The following COL5A2 variants were observed in gnomAD, a reference collection of about 807,000 sequenced individuals.
The protein encoded by COL5A2 is collagen alpha-2(V) chain.
COL5A2 carries 23 observed loss-of-function variants against 208.2 expected under a neutral mutation model. That is an observed-to-expected ratio of 0.11 (90% CI 0.08 to 0.16). COL5A2 has a LOEUF of 0.16. Among genes scored for constraint, COL5A2 ranks in the 10% least tolerant of loss-of-function variants. COL5A2 has a pLI of 1.00. For missense variants in COL5A2, 1,590 were observed against 1,956.4 expected (o/e 0.81, Z 3.53); for synonymous variants, 625 against 628.5 (o/e 0.99, Z 0.08).
rs116137460 is a variant in COL5A2, at chr2:189,185,320, G to A, written c.-42+39828C>T. 9.0e-3 allele frequency among the ~76,000 whole-genome samples: 1,363 copies of A among 152,276 alleles called. 22 individuals carry two copies. The highest frequency in any genetic ancestry group is 0.03 in the African/African-American group (1,259 of 41,556). On this transcript the variant is annotated intron_variant, in intron 1 of 10. Coordinates refer to the COL5A2 transcript ENST00000649966. ...TTACAGGCGTGAGCCCAGTGTGCCCGACCCTAATATGCTATTTTTTAAAAG... is the reference window on the plus strand; with the variant it reads ...TTACAGGCGTGAGCCCAGTGTGCCCAACCCTAATATGCTATTTTTTAAAAG...
chr2:189,382,581 T>C, the COL5A2 span, among the ~76,000 whole-genome samples: 1 of 152,210 alleles, frequency 6.6e-6, no homozygotes, highest in Non-Finnish European at 1.5e-5. Context: ...ATAATTATCT[T>C]CTATTCAGCT....
chr2:189,215,403 A>G (rs1689266981), intron 1 of COL5A2, among the ~76,000 whole-genome samples: 1 of 152,216 alleles, frequency 6.6e-6, no homozygotes, highest in African/African-American at 2.4e-5. Flanking sequence ...AGAGTAATAT[A>G]TGCATCAGAT....
chr2:189,163,560 G>A (rs190439212), intron 1 of COL5A2, among the ~76,000 whole-genome samples: 37 of 152,308 alleles, frequency 2.4e-4, no homozygotes, highest in Non-Finnish European at 4.7e-4. Flanking sequence ...ATTGGGAGCT[G>A]TGCTCCTTAA....
the COL5A2 span, among the ~76,000 whole-genome samples, chr2:189,397,008 AAG>A: frequency 7.3e-5 from 11 of 151,522 alleles, no homozygotes; most frequent in Non-Finnish European, 1.6e-4. Flanking sequence ...AAAAAAAAAA[AAG>A]ATAAATGAGA....
chr2:189,135,870 A>T (rs1480124076), intron 1 of COL5A2, among the ~76,000 whole-genome samples: 1 of 152,200 alleles, frequency 6.6e-6, no homozygotes, highest in African/African-American at 2.4e-5. Context: ...CATTCCCATG[A>T]GGCAACCAAC....
chr2:189,199,439 A>T (rs1689044349), intron 1 of COL5A2, among the ~76,000 whole-genome samples: 1 of 152,228 alleles, frequency 6.6e-6, no homozygotes, highest in African/African-American at 2.4e-5. Context: ...AAGGTACAAT[A>T]ACATATAAAA....
the COL5A2 span, among the ~76,000 whole-genome samples, chr2:189,381,955 AAATT>A: frequency 6.6e-6 from 1 of 152,152 alleles, no homozygotes; most frequent in Non-Finnish European, 1.5e-5. Context: ...TAGACAATAT[AAATT>A]ATTTACTTTC....
chr2:189,210,989 C>T (rs1445676934), intron 1 of COL5A2, among the ~76,000 whole-genome samples: 2 of 152,020 alleles, frequency 1.3e-5, no homozygotes, highest in African/African-American at 2.4e-5. Context: ...TGCCCTTTAT[C>T]GCCATTAGCA....
intron 6 of COL5A2, among the ~76,000 whole-genome samples, chr2:189,092,754 T>C (rs539213089): frequency 1.6e-4 from 24 of 152,292 alleles, no homozygotes; most frequent in African/African-American, 5.5e-4. Flanking sequence ...CGTGCAAGGG[T>C]ATTTGATCAA....
chr2:189,176,691 C>T (rs1056892099), intron 1 of COL5A2, among the ~76,000 whole-genome samples: 1 of 151,736 alleles, frequency 6.6e-6, no homozygotes, highest in East Asian at 1.9e-4. Context: ...CCAATGCACA[C>T]ACACTCTCAC....
chr2:189,098,556 T>C (rs1296786780), intron 5 of COL5A2, among the ~76,000 whole-genome samples, 171 bp downstream of exon 5: 5 of 152,250 alleles, frequency 3.3e-5, no homozygotes, highest in African/African-American at 7.2e-5. Context: ...TTATCTACCA[T>C]TCATTGCTGC....
chr2:189,296,120 C>A, the COL5A2 span, among the ~76,000 whole-genome samples: 1 of 152,166 alleles, frequency 6.6e-6, no homozygotes, highest in Non-Finnish European at 1.5e-5. Context: ...GCTCCACAAG[C>A]ACTAAGGCTC....
the COL5A2 span, among the ~76,000 whole-genome samples, chr2:189,331,113 G>C: frequency 6.6e-6 from 1 of 152,008 alleles, no homozygotes; most frequent in Non-Finnish European, 1.5e-5. Context: ...AATAGAAAAA[G>C]AATCAAATGG....
At chr2:189,157,353 T>C (rs1688275030) in intron 1 of COL5A2, among the ~76,000 whole-genome samples, 2 of 151,648 alleles carry the variant, frequency 1.3e-5, no homozygotes, top group African/African-American at 4.8e-5. Context: ...CAAAACAAAG[T>C]TAAAGGCAAA....
chr2:189,394,204 T>C, the COL5A2 span, among the ~76,000 whole-genome samples: 5 of 152,094 alleles, frequency 3.3e-5, no homozygotes, highest in East Asian at 7.7e-4. Context: ...GTAGGTAATA[T>C]AGTAGGAGAA....
At chr2:189,081,066 G>A (rs747026710) in intron 12 of COL5A2, 23 bp from the exon 13 acceptor site, 3 of 1,603,322 alleles carry the variant, frequency 1.9e-6, no homozygotes, top group African/African-American at 1.3e-5. Flanking sequence ...CATAGATAGG[G>A]CATTTTACAG....
the COL5A2 span, among the ~76,000 whole-genome samples, chr2:189,389,458 A>C: frequency 2.0e-3 from 308 of 152,272 alleles, no homozygotes; most frequent in Admixed American, 3.7e-3. Context: ...AATGGCAAAA[A>C]TTTTAGGAGT....
the COL5A2 span, among the ~76,000 whole-genome samples, chr2:189,282,143 G>A: frequency 7.9e-5 from 12 of 152,138 alleles, no homozygotes; most frequent in South Asian, 1.5e-3. Flanking sequence ...CCAAGATCAC[G>A]CCACTGTACT....
chr2:189,337,344 G>A, the COL5A2 span, among the ~76,000 whole-genome samples: 3 of 151,372 alleles, frequency 2.0e-5, no homozygotes, highest in Admixed American at 2.0e-4. Flanking sequence ...CACTACGCCC[G>A]GCTAATTTTT....
Sources: allele counts gnomAD v4.1 joint callset (sites outside exome capture counted in the v4.1 genomes callset), GRCh38; gene constraint gnomAD v4.1.1; transcripts MANE v1.5; gene names NCBI Gene and HGNC (gene_info 2026-07-23, HGNC 2026-07-21).